The following SHB variants were observed in gnomAD, a reference collection of about 807,000 sequenced individuals.
SHB encodes SH2 domain containing adaptor protein B.
A neutral mutation model predicts 52.3 loss-of-function variants in SHB; 20 were observed. That is an observed-to-expected ratio of 0.38 (90% confidence interval 0.27 to 0.56). The LOEUF is 0.56. Among genes scored for constraint, SHB ranks in the 20% least tolerant of loss-of-function variants. The pLI is 0.71. For synonymous variants in SHB, 397 were observed against 316.5 expected (o/e 1.25, Z -2.70); for missense variants, 825 against 723.3 (o/e 1.14, Z -1.61).
chr9:38,051,115 A>C (rs1408337191), intron 1 of SHB, among the ~76,000 whole-genome samples: 1 of 152,170 alleles, frequency 6.6e-6, no homozygotes, highest in African/African-American at 2.4e-5. Flanking sequence ...CCTAGTTTGC[A>C]GGTGACAAAG....
rs1234934828 is a variant in SHB at position 37,918,615 on chromosome 9, ATGCAGAACCAACGAAAGAGCATTGGC to A, written c.*1180_*1205del. Among the ~76,000 whole-genome samples, 1 of 152,220 alleles carries A rather than the reference ATGCAGAACCAACGAAAGAGCATTGGC, an allele frequency of 6.6e-6. No homozygotes were observed. The highest frequency in any genetic ancestry group is 6.5e-5 in the Admixed American group (1 of 15,282). ...CCATGGGCAGGGTGACAGCAAGGCC[ATGCAGAACCAACGAAAGAGCATTGGC>A]TGCAGAACCGCTCTGCTGCTGGTGA... On this transcript the variant is annotated 3_prime_UTR_variant, in exon 6 of 6. Transcript: ENST00000377707.
chr9:38,053,870 T>A (rs767699514), intron 1 of SHB, among the ~76,000 whole-genome samples: 1 of 152,208 alleles, frequency 6.6e-6, no homozygotes, highest in Non-Finnish European at 1.5e-5. Flanking sequence ...TTTTATTTAA[T>A]CCTCACAACG....
In SHB at chr9:37,919,402, G is replaced by A. The variant is rs915614128; in HGVS notation, c.*419C>T. 3 of 162,598 alleles carry A rather than the reference G, an allele frequency of 1.8e-5. No individual in the cohort carries two copies. Among genetic ancestry groups the A allele is most frequent in the Non-Finnish European group, 4.0e-5 (3 of 74,310 alleles). 10.1% of individuals were successfully genotyped at this position (162,598 alleles called of 1,614,324 possible). On this transcript the variant is annotated 3_prime_UTR_variant, in exon 6 of 6. Coordinates refer to ENST00000377707, the MANE Select transcript of SHB (RefSeq NM_003028.3). The stretch of plus-strand genomic sequence containing the variant: ...AGCATTTGGCTCCCAGCATCAGTAG[G>A]GGGGCTCCTGTGGGAAAACTTTGCC...
chr9:38,058,855 C>A (rs1821855156), intron 1 of SHB, among the ~76,000 whole-genome samples: 1 of 152,156 alleles, frequency 6.6e-6, no homozygotes. Flanking sequence ...GTGGTTCATG[C>A]CATCACAACT....
intron 1 of SHB, among the ~76,000 whole-genome samples, chr9:38,019,042 C>T (rs185928357): frequency 1.3e-5 from 2 of 152,364 alleles, no homozygotes; most frequent in East Asian, 3.9e-4. Flanking sequence ...GACTCCTCTG[C>T]AGGCCAGGCC....
intron 5 of SHB, among the ~76,000 whole-genome samples, chr9:37,929,985 C>T (rs1231675046): frequency 6.6e-6 from 1 of 152,142 alleles, no homozygotes; most frequent in East Asian, 1.9e-4. Flanking sequence ...GCTTGTAGTC[C>T]CGGCTACTTG....
intron 2 of SHB, among the ~76,000 whole-genome samples, chr9:37,985,966 CTG>C (rs1820802213): frequency 6.6e-6 from 1 of 152,236 alleles, no homozygotes; most frequent in African/African-American, 2.4e-5. Flanking sequence ...AATTCAGAAA[CTG>C]AGGTTCAGAC....
At chr9:37,949,845 G>A (rs560589128) in intron 4 of SHB, among the ~76,000 whole-genome samples, 29 of 152,372 alleles carry the variant, frequency 1.9e-4, no homozygotes, top group East Asian at 7.7e-4. Flanking sequence ...CATGCCAGAG[G>A]AGGGCAGGCG....
At chr9:37,960,418 C>A (rs1335341624) in intron 3 of SHB, among the ~76,000 whole-genome samples, 1 of 152,108 alleles carries the variant, frequency 6.6e-6, no homozygotes, top group Admixed American at 6.5e-5. Context: ...AATGACAGAA[C>A]CTAATTAATT....
intron 4 of SHB, among the ~76,000 whole-genome samples, chr9:37,954,228 T>C (rs1206644297): frequency 6.6e-6 from 1 of 152,140 alleles, no homozygotes; most frequent in Non-Finnish European, 1.5e-5. Flanking sequence ...CCTCCAGAGG[T>C]GACAGCACTT....
At chr9:37,969,281 T>C (rs576618386) in intron 3 of SHB, among the ~76,000 whole-genome samples, 34 of 152,264 alleles carry the variant, frequency 2.2e-4, no homozygotes, top group Middle Eastern at 3.4e-3. Flanking sequence ...AGGTTCAAAG[T>C]CCGGCTCTGC....
intron 3 of SHB, among the ~76,000 whole-genome samples, chr9:37,956,289 T>C (rs1056140410): frequency 1.3e-5 from 2 of 152,104 alleles, no homozygotes; most frequent in African/African-American, 4.8e-5. Context: ...CAGAGGCCAC[T>C]GGGCTCAGCC....
intron 3 of SHB, among the ~76,000 whole-genome samples, chr9:37,967,091 A>C (rs1820535486): frequency 6.6e-6 from 1 of 152,202 alleles, no homozygotes; most frequent in Non-Finnish European, 1.5e-5. Context: ...GACTGTGGGC[A>C]AGCTGCTCAC....
At chr9:38,067,562 G>A (rs1821986645) in intron 1 of SHB, among the ~76,000 whole-genome samples, 1 of 152,210 alleles carries the variant, frequency 6.6e-6, no homozygotes, top group African/African-American at 2.4e-5. Context: ...AGCGGAGGGT[G>A]GAGGCTGGGA....
chr9:37,919,984 T>G lies in SHB; in HGVS notation c.1367A>C (p.His456Pro). Residue 456 changes from histidine to proline, a missense_variant, in exon 6 of 6, where the codon CAC becomes CCC. His to Pro is a moderately conservative substitution (Grantham distance 77). Transcript: ENST00000377707. ...LSLRSNQGFM[H>P]MKLAKTKEKY... Reference sequence around the variant, plus strand: ...CTCTTTGGTTTTGGCCAGTTTCATGTGCATAAAACCCTGGTTGCTCCTGTG... The same window carrying G: ...CTCTTTGGTTTTGGCCAGTTTCATGGGCATAAAACCCTGGTTGCTCCTGTG... 1 of 1,614,040 alleles carries G rather than the reference T, an allele frequency of 6.2e-7. No homozygotes were observed. Among genetic ancestry groups the G allele is most frequent in the Non-Finnish European group, 8.5e-7 (1 of 1,179,932 alleles).
At chr9:38,040,057 G>C (rs1382816026) in intron 1 of SHB, among the ~76,000 whole-genome samples, 3 of 152,246 alleles carry the variant, frequency 2.0e-5, no homozygotes, top group Non-Finnish European at 2.9e-5. Context: ...AAGCCTGGGG[G>C]TTTTTCCTCC....
intron 4 of SHB, among the ~76,000 whole-genome samples, chr9:37,955,337 A>G (rs1832616106): frequency 1.3e-5 from 2 of 152,072 alleles, no homozygotes; most frequent in African/African-American, 4.8e-5. Flanking sequence ...GCTAGGAGGT[A>G]TGTGTTCTAA....
At chr9:38,015,257 T>C in intron 2 of SHB, 1 of 596,150 alleles carries the variant, frequency 1.7e-6, no homozygotes, top group Non-Finnish European at 3.0e-6. Flanking sequence ...CTTTTGCTTG[T>C]GACCTCCCCC....
intron 5 of SHB, among the ~76,000 whole-genome samples, chr9:37,942,609 G>A (rs1267570245): frequency 6.6e-6 from 1 of 152,242 alleles, no homozygotes; most frequent in African/African-American, 2.4e-5. Context: ...CCATCTATGT[G>A]TAGGGCTTAT....
Sources: gnomAD v4.1 joint callset for allele counts (sites outside exome capture counted in the v4.1 genomes callset) on GRCh38, gnomAD v4.1.1 for gene constraint, MANE v1.5 for transcripts, NCBI Gene and HGNC (gene_info 2026-07-23, HGNC 2026-07-21) for gene names.